Variants in NOL10 observed in about 807,000 individuals in gnomAD.
NOL10 encodes H_NH0074G24.1.
Under a neutral mutation model 103.5 loss-of-function variants are expected in NOL10, and 58 were observed. The ratio of observed to expected loss-of-function variants is 0.56; its 90% CI spans 0.45 to 0.70. NOL10 has a LOEUF of 0.70. NOL10 is among the 30% of genes least tolerant of loss of function. NOL10 has a pLI of 0.00. For missense variants in NOL10, 763 were observed against 807.3 expected (o/e 0.95, Z 0.67); for synonymous variants, 287 against 282.5 (o/e 1.02, Z -0.16).
At chr2:10,611,022 T>G (rs1026402808) in intron 13 of NOL10, among the ~76,000 whole-genome samples, 9 of 152,208 alleles carry the variant, frequency 5.9e-5, no homozygotes, top group Non-Finnish European at 1.3e-4. Flanking sequence ...CTGTGTTGCC[T>G]AGGCTGGTCT....
intron 3 of NOL10, among the ~76,000 whole-genome samples, chr2:10,681,526 C>T (rs1443983193): frequency 6.6e-6 from 1 of 152,196 alleles, no homozygotes; most frequent in African/African-American, 2.4e-5. Context: ...TTGAGTTACA[C>T]AAGCGTGTGC....
chr2:10,661,158 C>T (rs1293695819), intron 9 of NOL10, among the ~76,000 whole-genome samples: 1 of 152,196 alleles, frequency 6.6e-6, no homozygotes, highest in Non-Finnish European at 1.5e-5. Flanking sequence ...TCACTGCAAC[C>T]TCCGCCTCCT....
At chr2:10,669,689 C>G (rs987351966) in intron 6 of NOL10, among the ~76,000 whole-genome samples, 2 of 150,610 alleles carry the variant, frequency 1.3e-5, no homozygotes, top group African/African-American at 4.9e-5. Context: ...GTCAAGAGAC[C>G]GAGACCATCC....
At chr2:10,639,177 C>T (rs555316458) in intron 13 of NOL10, among the ~76,000 whole-genome samples, 307 of 151,978 alleles carry the variant, frequency 2.0e-3, no homozygotes, top group Middle Eastern at 6.8e-3. Context: ...AATCCCAGCA[C>T]TTTGGGAGGC....
chr2:10,623,444 C>T (rs779131920), intron 13 of NOL10, among the ~76,000 whole-genome samples: 4 of 152,142 alleles, frequency 2.6e-5, no homozygotes, highest in African/African-American at 7.2e-5. Context: ...AATTCCTGAA[C>T]GTCCTTCGAA....
chr2:10,670,606 G>T (rs1244264188), intron 6 of NOL10, among the ~76,000 whole-genome samples: 3 of 152,180 alleles, frequency 2.0e-5, no homozygotes, highest in African/African-American at 7.2e-5. Context: ...ATGGTGGCAG[G>T]CGCCCATAGT....
chr2:10,647,921 T>G (rs181998121), intron 12 of NOL10, among the ~76,000 whole-genome samples: 2 of 152,348 alleles, frequency 1.3e-5, no homozygotes, highest in African/African-American at 4.8e-5. Flanking sequence ...TTGAGCCCAG[T>G]GCCCCTGTTC....
chr2:10,597,237 T>C (rs1675739828), intron 17 of NOL10, among the ~76,000 whole-genome samples: 2 of 152,208 alleles, frequency 1.3e-5, no homozygotes, highest in African/African-American at 2.4e-5. Flanking sequence ...CATTTTAGGT[T>C]CAATATCAAC....
chr2:10,592,125 A>T (rs995409739), intron 17 of NOL10, among the ~76,000 whole-genome samples: 2 of 152,254 alleles, frequency 1.3e-5, no homozygotes, highest in African/African-American at 4.8e-5. Flanking sequence ...AAGCCATTTT[A>T]AGAAACTGGC....
chr2:10,667,281 A>T lies in NOL10; in HGVS notation c.531-3T>A. The T allele has an allele frequency of 6.3e-7, 1 of 1,576,016 alleles. No individual in the cohort carries two copies. The highest frequency in any genetic ancestry group is 8.6e-7 in the Non-Finnish European group (1 of 1,158,568). ...TTATGTCACAAACATTATTCTCCCT[A>T]ACACAGGAAAGCAGTAAGAAAGAAT... On this transcript the variant is annotated splice_region_variant and splice_polypyrimidine_tract_variant and intron_variant, in intron 7 of 20. Coordinates refer to ENST00000381685, the MANE Select transcript of NOL10 (RefSeq NM_024894.4).
chr2:10,689,436 G>GGA (rs1220812696), intron 1 of NOL10, among the ~76,000 whole-genome samples: 7 of 152,334 alleles, frequency 4.6e-5, no homozygotes, highest in African/African-American at 1.7e-4. Flanking sequence ...GCCATATGGG[G>GGA]GAGAGATGTG....
chr2:10,681,805 AT>A (rs1681779059), intron 3 of NOL10, among the ~76,000 whole-genome samples, 165 bp downstream of exon 3: 1 of 152,196 alleles, frequency 6.6e-6, no homozygotes, highest in African/African-American at 2.4e-5. Context: ...TTATTGCAGA[AT>A]TTAGGTAGTA....
chr2:10,633,705 T>A (rs1319264720), intron 13 of NOL10, among the ~76,000 whole-genome samples: 1 of 152,114 alleles, frequency 6.6e-6, no homozygotes, highest in Non-Finnish European at 1.5e-5. Flanking sequence ...TGTAAGACTT[T>A]TCAAGTTGTA....
intron 13 of NOL10, among the ~76,000 whole-genome samples, chr2:10,627,042 G>T (rs1363676518): frequency 1.3e-5 from 2 of 152,172 alleles, no homozygotes; most frequent in Admixed American, 6.5e-5. Flanking sequence ...ATCCTTTGTT[G>T]AGAAAAAGGC....
At chr2:10,651,677 C>T (rs551240810) in intron 12 of NOL10, among the ~76,000 whole-genome samples, 1 of 152,176 alleles carries the variant, frequency 6.6e-6, no homozygotes, top group South Asian at 2.1e-4. Context: ...ACTGTCACTC[C>T]CCCAGTCGCA....
At chr2:10,607,091 G>A (rs1676301249) in intron 14 of NOL10, 94 bp downstream of exon 14, 1 of 760,320 alleles carries the variant, frequency 1.3e-6, no homozygotes, top group African/African-American at 1.8e-5. Context: ...AGGAGATGAG[G>A]TAAACATGGC....
intron 6 of NOL10, 104 bp from the exon 7 acceptor site, chr2:10,668,827 T>C (rs1454635071): frequency 2.5e-6 from 1 of 401,558 alleles, no homozygotes; most frequent in African/African-American, 2.1e-5. Context: ...CACCACTTCC[T>C]TTTGTAACAC....
chr2:10,600,664 C>T lies in NOL10; in HGVS notation c.1422+189G>A, dbSNP rs183546365. ...TGATGCCTTTCTCTGGTATAAGAAT[C>T]GTAAGGATAGCTTTCTTCTTGATAT... is the stretch of plus-strand genomic sequence containing the variant. On this transcript the variant is annotated intron_variant, in intron 17 of 20. Coordinates refer to ENST00000381685, the MANE Select transcript of NOL10 (RefSeq NM_024894.4). Among the ~76,000 whole-genome samples the T allele has an allele frequency of 1.2e-4, 18 of 152,218 alleles. No homozygotes were observed. The East Asian group carries it at 1.9e-3, about 16-fold the overall frequency.
chr2:10,687,751 C>A (rs929482562), intron 1 of NOL10, among the ~76,000 whole-genome samples: 1 of 152,066 alleles, frequency 6.6e-6, no homozygotes, highest in African/African-American at 2.4e-5. Flanking sequence ...AAGATCAGAT[C>A]GAGACCATAC....
Sources: allele counts gnomAD v4.1 joint callset (sites outside exome capture counted in the v4.1 genomes callset), GRCh38; gene constraint gnomAD v4.1.1; transcripts MANE v1.5; gene names NCBI Gene and HGNC (gene_info 2026-07-23, HGNC 2026-07-21).